DSG1: variants seen among roughly 807,000 people sequenced by gnomAD.
DSG1 encodes the protein desmoglein-1.
A neutral mutation model predicts 97.5 loss-of-function variants in DSG1; 39 were observed. That is an observed-to-expected ratio of 0.40 (90% confidence interval 0.31 to 0.52). DSG1 has a LOEUF of 0.52. Ranked by LOEUF, DSG1 falls within the 20% of genes least tolerant of loss-of-function variation. DSG1 has a pLI of 0.53. For missense variants in DSG1, 1,311 were observed against 1,295.4 expected, an observed-to-expected ratio of 1.01 and a Z score of -0.18; for synonymous variants, 475 against 443.4, an observed-to-expected ratio of 1.07 and a Z score of -0.90.
rs557100461 is a variant in DSG1 at position 31,346,625 on chromosome 18, T to C, written c.2100+427T>C. ...GCATCCCACTATGTCTCTCACAAAC[T>C]CCTACCCATCCTTCAAGACCCAGTC... On this transcript the variant is annotated intron_variant, in intron 14 of 14. Transcript: ENST00000257192. 8.5e-5 allele frequency among the ~76,000 whole-genome samples: 13 copies of C among 152,242 alleles called. No homozygotes were observed. The East Asian group carries it at 2.5e-3, about 29-fold the overall frequency.
In DSG1 at chr18:31,354,416, A is replaced by C. The variant is rs2144126636; in HGVS notation, c.2220A>C (p.Gly740=). 1.2e-6 allele frequency: 2 copies of C among 1,614,162 alleles called. No individual in the cohort carries two copies. Among genetic ancestry groups the C allele is most frequent in the Middle Eastern group, 1.6e-4 (1 of 6,062 alleles). ...CTGTGGGTTGTTGTAGCTTCATTGG[A>C]GAAGACCTGGATGACAGCTTCTTGG... The part of the protein sequence containing the change: ...AGSVGCCSFI[G]EDLDDSFLDT... Residue 740 remains glycine, a synonymous_variant, in exon 15 of 15, where the codon GGA becomes GGC. Coordinates refer to ENST00000257192, the MANE Select transcript of DSG1 (RefSeq NM_001942.4).
Position 31,342,467 on chromosome 18 carries a change from T to A in DSG1, c.1688-983T>A, listed in dbSNP as rs190969004. On this transcript the variant is annotated intron_variant, in intron 11 of 14. Coordinates refer to ENST00000257192, the MANE Select transcript of DSG1 (RefSeq NM_001942.4). ...CTTCCCTAATTTACTTCCTTCTTTTTTCCTTTCCTCCTTCTTCACAATTTT... is the reference window on the plus strand; with the variant it reads ...CTTCCCTAATTTACTTCCTTCTTTTATCCTTTCCTCCTTCTTCACAATTTT... Among the ~76,000 whole-genome samples, 8 of 152,262 alleles carry A rather than the reference T, an allele frequency of 5.3e-5. No individual in the cohort carries two copies. In the East Asian group the frequency reaches 1.5e-3, roughly 29 times the overall value.
chr18:31,327,132 A>G, intron 3 of DSG1, 127 bp downstream of exon 3: 2 of 1,260,372 alleles, frequency 1.6e-6, no homozygotes, highest in Non-Finnish European at 1.1e-6. Context: ...AACTATAGTC[A>G]CCTAGATGAT....
intron 13 of DSG1, among the ~76,000 whole-genome samples, chr18:31,344,839 G>T (rs2071818419): frequency 6.6e-6 from 1 of 152,142 alleles, no homozygotes; most frequent in Non-Finnish European, 1.5e-5. Flanking sequence ...AATACTATTG[G>T]TTAGCTTATT....
intron 1 of DSG1, among the ~76,000 whole-genome samples, chr18:31,324,291 CT>C (rs79009473): frequency 0.12 from 17,253 of 147,278 alleles, 1,622 homozygotes; most frequent in African/African-American, 0.26. Context: ...CCTCTCCTTC[CT>C]TTTTTTTTTT....
At chr18:31,318,697 C>T (rs1335329651) in intron 1 of DSG1, among the ~76,000 whole-genome samples, 2 of 151,104 alleles carry the variant, frequency 1.3e-5, no homozygotes, top group Non-Finnish European at 2.9e-5. Flanking sequence ...CTAAATATCA[C>T]AAGTGTGTCT....
chr18:31,346,108 A>G lies in DSG1; in HGVS notation c.2010A>G (p.Gln670=). 1 of 1,613,884 alleles carries G rather than the reference A, an allele frequency of 6.2e-7. No homozygotes were observed. Among genetic ancestry groups the G allele is most frequent in the Non-Finnish European group, 8.5e-7 (1 of 1,179,762 alleles). ...VKTSGMPEIC[Q]EYSGTLRRNS... ...CTTCAGGAATGCCTGAGATATGTCA[A>G]GAATACTCTGGAACATTAAGAAGAA... is the stretch of plus-strand genomic sequence containing the variant. Residue 670 remains glutamine, a synonymous_variant, in exon 14 of 15, where the codon CAA becomes CAG. Coordinates refer to ENST00000257192, the MANE Select transcript of DSG1 (RefSeq NM_001942.4).
Position 31,328,211 on chromosome 18 carries a change from A to C in DSG1, c.239A>C (p.Asn80Thr), listed in dbSNP as rs1008682996. 1 of 1,613,428 alleles carries C rather than the reference A, an allele frequency of 6.2e-7. No homozygotes were observed. Among genetic ancestry groups the C allele is most frequent in the African/African-American group, 1.3e-5 (1 of 74,900 alleles). The stretch of plus-strand genomic sequence containing the variant: ...CAGATTCACTCAGATTGTGCTGCAA[A>C]CCAGCAAGTTACATACCGCATCTCT... The part of the protein sequence containing the change: ...IAKIHSDCAA[N>T]QQVTYRISGV... Residue 80 changes from asparagine to threonine, a missense_variant, in exon 4 of 15, where the codon AAC becomes ACC. By Grantham distance (65) the Asn-to-Thr change is moderately conservative. Around this residue, in one of 3 missense-constraint regions of DSG1, gnomAD observed 259 missense variants for 304.1 expected, o/e 0.85. Transcript: ENST00000257192.
chr18:31,340,719 G>T lies in DSG1; in HGVS notation c.1687+694G>T, dbSNP rs143167032. On this transcript the variant is annotated intron_variant, in intron 11 of 14. Transcript: ENST00000257192. ...TAAAAGAATGAGAGTGCAAAGTACT[G>T]CGATGAAGAACTCCAGTGTGCAAGA... Among the ~76,000 whole-genome samples, 479 of 152,270 alleles carry T rather than the reference G, an allele frequency of 3.1e-3. 1 individual carries two copies. The highest frequency in any genetic ancestry group is 0.011 in the African/African-American group (465 of 41,556).
chr18:31,343,888 G>C, intron 12 of DSG1, 38 bp from the exon 13 acceptor site: 1 of 1,496,726 alleles, frequency 6.7e-7, no homozygotes, highest in Non-Finnish European at 9.3e-7. Context: ...TATAGTCATT[G>C]GTCACTACAA....
In DSG1 at chr18:31,336,551, T is replaced by C; in HGVS notation, c.1203T>C (p.Asn401=). 6.2e-7 allele frequency: 1 copy of C among 1,614,062 alleles called. No individual in the cohort carries two copies. The highest frequency in any genetic ancestry group is 8.5e-7 in the Non-Finnish European group (1 of 1,179,934). The change falls in exon 9 of 15, where the codon AAT becomes AAC. Residue 401 remains asparagine (N), a synonymous_variant. Coordinates refer to ENST00000257192, the MANE Select transcript of DSG1 (RefSeq NM_001942.4). The stretch of plus-strand genomic sequence containing the variant: ...TTGTAACTGGTAATATGGGATCAAA[T>C]GATAAAGTGGGAGACTTTGTAGCTA... ...TYVVTGNMGS[N]DKVGDFVATD... is the part of the protein sequence containing the mutation.
At chr18:31,325,539 C>T (rs563645440) in intron 1 of DSG1, among the ~76,000 whole-genome samples, 12 of 152,296 alleles carry the variant, frequency 7.9e-5, no homozygotes, top group South Asian at 4.1e-4. Flanking sequence ...TTCAGTTCTG[C>T]ACCCAAGATG....
In DSG1 at chr18:31,333,703, C is replaced by T; in HGVS notation, c.799C>T (p.Pro267Ser). Residue 267 changes from proline (P) to serine (S), a missense_variant, in exon 7 of 15, where the codon CCT (proline) becomes TCT (serine). Pro to Ser is a moderately conservative substitution (Grantham distance 74, BLOSUM62 -1). Around this residue, in one of 3 missense-constraint regions of DSG1, gnomAD observed 14 missense variants for 26.7 expected, o/e 0.52. Transcript: ENST00000257192. The stretch of plus-strand genomic sequence containing the variant: ...AATCCTCGATGTCAATGATAATATC[C>T]CTTACATGGAACAGTCTTCAGTAAG... ...IKILDVNDNI[P>S]YMEQSSYTIE... 6.2e-7 allele frequency: 1 copy of T among 1,613,560 alleles called. No homozygotes were observed. The highest frequency in any genetic ancestry group is 8.5e-7 in the Non-Finnish European group (1 of 1,179,628).
At chr18:31,323,467 C>T (rs1184717684) in intron 1 of DSG1, among the ~76,000 whole-genome samples, 1 of 152,152 alleles carries the variant, frequency 6.6e-6, no homozygotes, top group African/African-American at 2.4e-5. Context: ...ATTTTAATCT[C>T]TATCTTTCCT....
chr18:31,322,094 A>G (rs990586303), intron 1 of DSG1, among the ~76,000 whole-genome samples: 1 of 152,218 alleles, frequency 6.6e-6, no homozygotes, highest in African/African-American at 2.4e-5. Flanking sequence ...GGTCTATGAG[A>G]ATAGGCCACA....
At chr18:31,321,866 T>C (rs2071656051) in intron 1 of DSG1, among the ~76,000 whole-genome samples, 1 of 152,214 alleles carries the variant, frequency 6.6e-6, no homozygotes, top group African/African-American at 2.4e-5. Flanking sequence ...TGAGTATCCC[T>C]GTGTCCTAAT....
intron 1 of DSG1, among the ~76,000 whole-genome samples, 196 bp from the exon 2 acceptor site, chr18:31,326,385 A>G (rs1416969648): frequency 6.6e-6 from 1 of 152,138 alleles, no homozygotes. Flanking sequence ...GAGTAAATTG[A>G]AAGGTAAAAA....
chr18:31,327,155 T>A, intron 3 of DSG1, 150 bp downstream of exon 3: 4 of 1,064,148 alleles, frequency 3.8e-6, no homozygotes, highest in Non-Finnish European at 5.5e-6. Flanking sequence ...AAACTGAAAC[T>A]CATAAGGAGA....
chr18:31,332,014 AT>A (rs1341741296), intron 6 of DSG1, 147 bp downstream of exon 6: 28 of 734,424 alleles, frequency 3.8e-5, no homozygotes, highest in African/African-American at 1.8e-5. Context: ...TGTAAGAAAT[AT>A]TTTTTAAATG....
Sources: gnomAD v4.1 joint callset for allele counts (sites outside exome capture counted in the v4.1 genomes callset) on GRCh38, gnomAD v4.1.1 for gene constraint, gnomAD v4.1.1 regional missense constraint, MANE v1.5 for transcripts, NCBI Gene and HGNC (gene_info 2026-07-23, HGNC 2026-07-21) for gene names.